The following ANO10 variants were observed in gnomAD, a reference collection of about 807,000 sequenced individuals.
ANO10 encodes the protein anoctamin-10.
A neutral mutation model predicts 74.7 loss-of-function variants in ANO10; 77 were observed. The observed-to-expected ratio is 1.03, with a 90% CI of 0.86 to 1.25. ANO10 has a LOEUF of 1.25. Among genes scored for constraint, ANO10 ranks in the 50% most tolerant of loss-of-function variants. ANO10 has a pLI of 0.00. For missense variants in ANO10, 721 were observed against 778.1 expected (o/e 0.93, Z 0.87); for synonymous variants, 279 against 284.9 (o/e 0.98, Z 0.21).
intron 11 of ANO10, among the ~76,000 whole-genome samples, chr3:43,475,476 G>A (rs73081072): frequency 0.023 from 3,427 of 152,192 alleles, 62 homozygotes; most frequent in Non-Finnish European, 0.037. Flanking sequence ...TAAAAAAGGG[G>A]AGGCTTTATC....
intron 11 of ANO10, among the ~76,000 whole-genome samples, chr3:43,514,419 C>A (rs948619322): frequency 6.6e-6 from 1 of 151,942 alleles, no homozygotes; most frequent in African/African-American, 2.4e-5. Context: ...ATAAAAAGGT[C>A]AATCCATGAA....
At chr3:43,582,764 T>G (rs369909970) in intron 4 of ANO10, among the ~76,000 whole-genome samples, 2 of 152,342 alleles carry the variant, frequency 1.3e-5, no homozygotes, top group East Asian at 3.9e-4. Flanking sequence ...AAAGTATCAG[T>G]AACTAGGGTA....
intron 1 of ANO10, chr3:43,691,081 C>G (rs766507723): frequency 6.6e-7 from 1 of 1,508,974 alleles, no homozygotes; most frequent in Non-Finnish European, 8.9e-7. Context: ...CTCCGGCGCG[C>G]ACCCTCCGCG....
chr3:43,598,260 C>T (rs1414151547), intron 4 of ANO10, among the ~76,000 whole-genome samples: 1 of 152,140 alleles, frequency 6.6e-6, no homozygotes. Context: ...GTAAACTTTG[C>T]TCATTTTAAT....
intron 11 of ANO10, among the ~76,000 whole-genome samples, chr3:43,488,425 CAAAGGGCT>C (rs1025424485): frequency 4.0e-5 from 6 of 149,118 alleles, no homozygotes; most frequent in African/African-American, 1.5e-4. Flanking sequence ...ACTCATCTGA[CAAAGGGCT>C]AATATCCAGA....
intron 1 of ANO10, among the ~76,000 whole-genome samples, chr3:43,670,349 T>TAAATA (rs1559394531): frequency 6.6e-6 from 1 of 151,198 alleles, no homozygotes; most frequent in Non-Finnish European, 1.5e-5. Context: ...AATAAATAAA[T>TAAATA]AAATAAAATA....
chr3:43,583,497 T>C (rs1282422895), intron 4 of ANO10, among the ~76,000 whole-genome samples: 1 of 152,226 alleles, frequency 6.6e-6, no homozygotes, highest in Non-Finnish European at 1.5e-5. Context: ...TAGTTTACAG[T>C]AGGACCCTCC....
intron 1 of ANO10, among the ~76,000 whole-genome samples, chr3:43,679,862 G>A (rs1221490925): frequency 6.6e-5 from 10 of 152,196 alleles, no homozygotes; most frequent in Non-Finnish European, 8.8e-5. Flanking sequence ...AACTCCAACA[G>A]ACCTGCAGCT....
In ANO10 at chr3:43,642,682, C is replaced by T. The variant is rs1279314832; in HGVS notation, c.-11-36819G>A. On this transcript the variant is annotated intron_variant, in intron 1 of 3. Coordinates refer to the ANO10 transcript ENST00000413397. ...CTCTCCCTTCACTTCATTCCCCCCACCTCCTATAGGTAATTATTTTTATTG... is the reference window on the plus strand; with the variant it reads ...CTCTCCCTTCACTTCATTCCCCCCATCTCCTATAGGTAATTATTTTTATTG... Among the ~76,000 whole-genome samples the T allele has an allele frequency of 6.6e-5, 10 of 152,260 alleles. No individual in the cohort carries two copies. The South Asian group carries it at 1.4e-3, about 22-fold the overall frequency.
chr3:43,660,044 G>A (rs4496450), intron 1 of ANO10, among the ~76,000 whole-genome samples: 124 of 152,290 alleles, frequency 8.1e-4, no homozygotes, highest in Non-Finnish European at 1.5e-3. Flanking sequence ...GAAAGGAATA[G>A]CATCAACATC....
chr3:43,454,877 A>G (rs1201612374), intron 11 of ANO10, among the ~76,000 whole-genome samples: 2 of 152,184 alleles, frequency 1.3e-5, no homozygotes, highest in Admixed American at 1.3e-4. Context: ...ATGTAAGGCC[A>G]GGGTAGAAGA....
intron 1 of ANO10, among the ~76,000 whole-genome samples, chr3:43,684,390 C>G (rs1292590225): frequency 2.0e-5 from 3 of 152,186 alleles, no homozygotes; most frequent in Non-Finnish European, 4.4e-5. Context: ...AATACCATCT[C>G]ACACCAGTTA....
At chr3:43,400,625 A>C (rs2148868618) in intron 12 of ANO10, among the ~76,000 whole-genome samples, 1 of 151,920 alleles carries the variant, frequency 6.6e-6, no homozygotes, top group South Asian at 2.1e-4. Flanking sequence ...CAAAAACAAA[A>C]ACAAAATAGC....
intron 11 of ANO10, among the ~76,000 whole-genome samples, chr3:43,537,989 A>G (rs1199088141): frequency 6.6e-6 from 1 of 152,228 alleles, no homozygotes; most frequent in African/African-American, 2.4e-5. Context: ...GGGGGACAGA[A>G]GTAACAAGAC....
At chr3:43,549,599 T>C (rs1190980510) in intron 11 of ANO10, 121 bp downstream of exon 11, 4 of 1,166,822 alleles carry the variant, frequency 3.4e-6, no homozygotes, top group Non-Finnish European at 5.1e-6. Flanking sequence ...CTGTTTTTGC[T>C]TTCTTACCAG....
chr3:43,546,391 G>A (rs915377399), intron 11 of ANO10, among the ~76,000 whole-genome samples: 1 of 152,114 alleles, frequency 6.6e-6, no homozygotes, highest in Non-Finnish European at 1.5e-5. Flanking sequence ...TATGGTACTG[G>A]CATAAAAACA....
chr3:43,370,243 C>T (rs2091560001), intron 12 of ANO10, among the ~76,000 whole-genome samples: 1 of 152,224 alleles, frequency 6.6e-6, no homozygotes, highest in African/African-American at 2.4e-5. Flanking sequence ...CCCTGAAGAA[C>T]AGTCAGTCTC....
intron 8 of ANO10, among the ~76,000 whole-genome samples, chr3:43,564,135 C>G (rs540829040): frequency 6.6e-6 from 1 of 151,964 alleles, no homozygotes; most frequent in Non-Finnish European, 1.5e-5. Flanking sequence ...CAGGCTCAGA[C>G]AATCCTCCCA....
chr3:43,541,340 CA>C (rs2078945199), intron 11 of ANO10, among the ~76,000 whole-genome samples: 1 of 152,190 alleles, frequency 6.6e-6, no homozygotes, highest in Non-Finnish European at 1.5e-5. Flanking sequence ...AAACATACTG[CA>C]TGCATTTATT....
Sources: allele counts gnomAD v4.1 joint callset (sites outside exome capture counted in the v4.1 genomes callset), GRCh38; gene constraint gnomAD v4.1.1; transcripts MANE v1.5; gene names NCBI Gene and HGNC (gene_info 2026-07-23, HGNC 2026-07-21).